Variants in JRK observed in about 807,000 individuals in gnomAD.
JRK encodes jerky protein homolog.
For synonymous variants in JRK, 303 were observed against 218.1 expected, an observed-to-expected ratio of 1.39 and a Z score of -3.43; for missense variants, 720 against 509.2, an observed-to-expected ratio of 1.41 and a Z score of -3.98.
In JRK at chr8:142,661,517, T is replaced by A. The variant is rs1233600116; in HGVS notation, c.*2835A>T. 3.0e-6 allele frequency: 3 copies of A among 985,302 alleles called. No homozygotes were observed. The highest frequency in any genetic ancestry group is 3.6e-6 in the Non-Finnish European group (3 of 829,966). The allele number at this position is 985,302 out of a possible 1,614,324, so 61.0% of individuals were successfully genotyped here. ...GCAGCCACAGAGGTCCCAAACCATA[T>A]GACGCAGCACCTGCTACCCCACGAG... On this transcript the variant is annotated 3_prime_UTR_variant, in exon 2 of 2. Transcript: ENST00000612905.
At chr8:142,646,978 A>C in the JRK span, among the ~76,000 whole-genome samples, 1 of 152,214 alleles carries the variant, frequency 6.6e-6, no homozygotes, top group African/African-American at 2.4e-5. Flanking sequence ...TATTGAAGGA[A>C]ATGACTCTTA....
the JRK span, among the ~76,000 whole-genome samples, chr8:142,645,993 GCA>G: frequency 9.1e-6 from 1 of 109,840 alleles, no homozygotes; most frequent in African/African-American, 2.8e-5. Context: ...TTTTTTAAAA[GCA>G]CACACTTTTT....
In JRK at chr8:142,660,037, G is replaced by A; in HGVS notation, c.*4315C>T. 1.0e-6 allele frequency: 1 copy of A among 986,000 alleles called. No individual in the cohort carries two copies. Among genetic ancestry groups the A allele is most frequent in the Non-Finnish European group, 1.2e-6 (1 of 830,330 alleles). The allele number at this position is 986,000 out of a possible 1,614,324, so 61.1% of individuals were successfully genotyped here. On this transcript the variant is annotated 3_prime_UTR_variant, in exon 2 of 2. Coordinates refer to ENST00000612905, the MANE Select transcript of JRK (RefSeq NM_003724.4). ...GGGGCTGGGAGCTGGGGCTCATGTGGGAGGCTGGTGGCTGCCATGGCTGCA... is the reference window on the plus strand; with the variant it reads ...GGGGCTGGGAGCTGGGGCTCATGTGAGAGGCTGGTGGCTGCCATGGCTGCA...
intron 1 of JRK, among the ~76,000 whole-genome samples, chr8:142,667,668 G>A (rs902719051): frequency 1.3e-5 from 2 of 152,182 alleles, no homozygotes; most frequent in Non-Finnish European, 2.9e-5. Flanking sequence ...TGCACCCTAC[G>A]AAAAGCTTGC....
the JRK span, among the ~76,000 whole-genome samples, chr8:142,650,941 A>T: frequency 4.2e-3 from 636 of 152,344 alleles, 2 homozygotes; most frequent in African/African-American, 0.014. Flanking sequence ...AAGGAAAAAC[A>T]GAGGTTTCTC....
chr8:142,666,846 G>A (rs1194209326), intron 1 of JRK, among the ~76,000 whole-genome samples: 1 of 152,216 alleles, frequency 6.6e-6, no homozygotes, highest in African/African-American at 2.4e-5. Flanking sequence ...AGCCATCAGA[G>A]GAAGCCAGGA....
At position 142,660,232 on chromosome 8, in the gene JRK, G is replaced by A. The variant is rs1461925569; in HGVS notation, c.*4120C>T. ...AAGGAGAGTCCTCGAACCCAGAGGG[G>A]GCTGGGTAAGCAGCAGAAGTGCAGA... On this transcript the variant is annotated 3_prime_UTR_variant, in exon 2 of 2. Transcript: ENST00000612905. 6.1e-6 allele frequency: 6 copies of A among 985,448 alleles called. No individual in the cohort carries two copies. The highest frequency in any genetic ancestry group is 4.7e-5 in the South Asian group (1 of 21,296). The allele number at this position is 985,448 out of a possible 1,614,324, so 61.0% of individuals were successfully genotyped here. A position where few individuals can be genotyped will look rare whatever the true frequency, so the allele number is the denominator to read the frequency against.
At position 142,665,921 on chromosome 8, in the gene JRK, A is replaced by T. The variant is rs200581080; in HGVS notation, c.138T>A (p.Asn46Lys). 17 of 811,176 alleles carry T rather than the reference A, an allele frequency of 2.1e-5. No individual in the cohort carries two copies. In the Admixed American group the frequency reaches 2.9e-4, roughly 14 times the overall value. 50.2% of individuals were successfully genotyped at this position (811,176 alleles called of 1,614,324 possible). ...ESRKALMQEY[N>K]VGMSTLYDIR... ...TGTCGTAGAGGGTGGACATGCCCAC[A>T]TTGTACTCCTGCATCAGTGCCTTCC... The change falls in exon 2 of 2, where the codon AAT becomes AAA. Residue 46 changes from asparagine (N) to lysine (K), a missense_variant. Coordinates refer to ENST00000612905, the MANE Select transcript of JRK (RefSeq NM_003724.4).
the JRK span, among the ~76,000 whole-genome samples, chr8:142,652,051 C>T: frequency 6.6e-6 from 1 of 152,110 alleles, no homozygotes; most frequent in East Asian, 1.9e-4. Context: ...AACATTAAAT[C>T]TCAACCAAAT....
chr8:142,656,736 C>A (rs78105079), downstream of JRK, among the ~76,000 whole-genome samples: 1,378 of 152,314 alleles, frequency 9.0e-3, 25 homozygotes, highest in African/African-American at 0.032. Context: ...TGGCCTGCTT[C>A]TCCAGTGGCT....
chr8:142,660,787 T>C lies in JRK; in HGVS notation c.*3565A>G. On this transcript the variant is annotated 3_prime_UTR_variant, in exon 2 of 2. Coordinates refer to ENST00000612905, the MANE Select transcript of JRK (RefSeq NM_003724.4). ...GTCTTGATTTGTCCCAAGTTGTCGC[T>C]GCCCTGTGCCACAGCCTCCCAAGAA... 2 of 985,454 alleles carry C rather than the reference T, an allele frequency of 2.0e-6. No homozygotes were observed. The highest frequency in any genetic ancestry group is 1.7e-5 in the African/African-American group (1 of 57,318). The allele number at this position is 985,454 out of a possible 1,614,324, so 61.0% of individuals were successfully genotyped here. A position where few individuals can be genotyped will look rare whatever the true frequency, so the allele number is the denominator to read the frequency against.
the JRK span, among the ~76,000 whole-genome samples, chr8:142,651,540 CT>C: frequency 0.026 from 2,653 of 103,128 alleles, 38 homozygotes; most frequent in African/African-American, 0.048. Flanking sequence ...AAAAATCAAT[CT>C]TTTTTTTTTT....
rs1847073500 is a variant in JRK at position 142,665,245 on chromosome 8, G to A, written c.814C>T (p.His272Tyr). Residue 272 changes from histidine to tyrosine, a missense_variant, in exon 2 of 2, where the codon CAT (histidine) becomes TAT (tyrosine). His to Tyr is a moderately conservative substitution (Grantham distance 83, BLOSUM62 2). Transcript: ENST00000612905. ...CTCACCGAGGGCACAAAGATATGAT[G>A]GAACCAATCGGAAAAAATCTCCTTG... ...VDKEIFSDWFHHIFVPSVREH... is the reference protein window; with the variant it reads ...VDKEIFSDWFYHIFVPSVREH... The A allele has an allele frequency of 1.4e-6, 1 of 717,772 alleles. No homozygotes were observed. The highest frequency in any genetic ancestry group is 1.5e-5 in the South Asian group (1 of 67,600). The allele number at this position is 717,772 out of a possible 1,614,324, so 44.5% of individuals were successfully genotyped here.
At chr8:142,645,789 A>G in the JRK span, among the ~76,000 whole-genome samples, 1 of 152,202 alleles carries the variant, frequency 6.6e-6, no homozygotes, top group African/African-American at 2.4e-5. Flanking sequence ...ATAAACAACC[A>G]CTCATTTTAC....
At chr8:142,656,247 C>T (rs146619095), downstream of JRK, among the ~76,000 whole-genome samples, 19 of 152,336 alleles carry the variant, frequency 1.2e-4, no homozygotes, top group African/African-American at 4.6e-4. Flanking sequence ...TATTTTCCTA[C>T]TTTCTTTGCT....
Position 142,662,290 on chromosome 8 carries a change from C to G in JRK, c.*2062G>C, listed in dbSNP as rs781999764. The G allele has an allele frequency of 2.0e-6, 2 of 985,766 alleles. No individual in the cohort carries two copies. Among genetic ancestry groups the G allele is most frequent in the Non-Finnish European group, 2.4e-6 (2 of 830,174 alleles). The allele number at this position is 985,766 out of a possible 1,614,324, so 61.1% of individuals were successfully genotyped here. A position where few individuals can be genotyped will look rare whatever the true frequency, so the allele number is the denominator to read the frequency against. Reference sequence around the variant, plus strand: ...GACTCAGGAGAGCCAGCCAGGAGCTCGGCCAGCTGGCCTGCCCATGCCCTC... The same window carrying G: ...GACTCAGGAGAGCCAGCCAGGAGCTGGGCCAGCTGGCCTGCCCATGCCCTC... On this transcript the variant is annotated 3_prime_UTR_variant, in exon 2 of 2. Transcript: ENST00000612905.
At chr8:142,666,959 T>C (rs1847146423) in intron 1 of JRK, among the ~76,000 whole-genome samples, 1 of 152,144 alleles carries the variant, frequency 6.6e-6, no homozygotes, top group Non-Finnish European at 1.5e-5. Context: ...AAATCCCTTA[T>C]TCCTCCCTGA....
At position 142,666,109 on chromosome 8, in the gene JRK, C is replaced by T; in HGVS notation, c.-51G>A. On this transcript the variant is annotated 5_prime_UTR_variant, in exon 2 of 2. Coordinates refer to ENST00000612905, the MANE Select transcript of JRK (RefSeq NM_003724.4). Reference sequence around the variant, plus strand: ...TTGCAGGACACACGCCTGGCCTGGGCTGCTGCCACTACTTCCCTCTCCTCC... The same window carrying T: ...TTGCAGGACACACGCCTGGCCTGGGTTGCTGCCACTACTTCCCTCTCCTCC... 1 of 1,557,746 alleles carries T rather than the reference C, an allele frequency of 6.4e-7. No homozygotes were observed. The highest frequency in any genetic ancestry group is 8.7e-7 in the Non-Finnish European group (1 of 1,151,240).
At chr8:142,657,157 G>A (rs10103161), downstream of JRK, among the ~76,000 whole-genome samples, 88,904 of 151,992 alleles carry the variant, frequency 0.58, 27,637 homozygotes, top group Admixed American at 0.69. Flanking sequence ...GGGCATGAAG[G>A]CACAAGGCCT....
Sources: allele counts gnomAD v4.1 joint callset (sites outside exome capture counted in the v4.1 genomes callset), GRCh38; gene constraint gnomAD v4.1.1; transcripts MANE v1.5; gene names NCBI Gene and HGNC (gene_info 2026-07-23, HGNC 2026-07-21).